CORO1C: variants seen among roughly 807,000 people sequenced by gnomAD.
The protein encoded by CORO1C is coronin 1C.
A neutral mutation model predicts 51.2 loss-of-function variants in CORO1C; 14 were observed. The observed-to-expected ratio is 0.27, with a 90% confidence interval of 0.18 to 0.43. The LOEUF (loss-of-function observed/expected upper bound fraction) is 0.43, where lower values mean the gene tolerates loss of function less well. Ranked by LOEUF, CORO1C falls within the 20% of genes least tolerant of loss-of-function variation. The pLI is 1.00. For missense variants in CORO1C, 417 were observed against 607.8 expected, an observed-to-expected ratio of 0.69 and a Z score of 3.30; for synonymous variants, 181 against 210.5, an observed-to-expected ratio of 0.86 and a Z score of 1.21.
At chr12:108,699,332 C>T (rs1320599833) in intron 2 of CORO1C, among the ~76,000 whole-genome samples, 1 of 152,076 alleles carries the variant, frequency 6.6e-6, no homozygotes, top group African/African-American at 2.4e-5. Flanking sequence ...ACTCACAGAA[C>T]CTTTGTGGAT....
intron 1 of CORO1C, among the ~76,000 whole-genome samples, chr12:108,712,704 G>A (rs574138570): frequency 5.3e-5 from 8 of 151,744 alleles, no homozygotes; most frequent in South Asian, 4.2e-4. Context: ...AAATTTGGCC[G>A]GGCACGTTGG....
chr12:108,656,677 T>C (rs140137076), intron 6 of CORO1C, among the ~76,000 whole-genome samples: 99 of 152,356 alleles, frequency 6.5e-4, no homozygotes, highest in African/African-American at 2.2e-3. Flanking sequence ...GAAGTAGACA[T>C]GGGAGACTTC....
Position 108,645,494 on chromosome 12 carries a change from A to C in CORO1C, c.*1909T>G, listed in dbSNP as rs561236894. On this transcript the variant is annotated 3_prime_UTR_variant, in exon 11 of 11. Transcript: ENST00000261401. ...AGACAAAAGGTCCTCAGCAGATTAC[A>C]TTGATAAAGAAACAAATACAGATTT... 24 of 152,150 alleles carry C rather than the reference A, an allele frequency of 1.6e-4. No homozygotes were observed. Among genetic ancestry groups the C allele is most frequent in the Non-Finnish European group, 2.8e-4 (19 of 68,036 alleles). The allele number at this position is 152,150 out of a possible 1,614,324, so 9.4% of individuals were successfully genotyped here. A position where few individuals can be genotyped will look rare whatever the true frequency, so the allele number is the denominator to read the frequency against.
intron 1 of CORO1C, among the ~76,000 whole-genome samples, chr12:108,707,345 T>C (rs986757494): frequency 6.6e-6 from 1 of 152,248 alleles, no homozygotes; most frequent in Non-Finnish European, 1.5e-5. Flanking sequence ...CAGACATTTA[T>C]ATCAATGGAA....
At chr12:108,679,978 G>A (rs1318200990) in intron 2 of CORO1C, among the ~76,000 whole-genome samples, 1 of 152,302 alleles carries the variant, frequency 6.6e-6, no homozygotes. Flanking sequence ...ATTAACCACA[G>A]TATCTGGAAT....
Position 108,648,972 on chromosome 12 carries a change from AAC to A in CORO1C, c.1048_1049del (p.Val350SerfsTer5), listed in dbSNP as rs1258498679. 6.2e-7 allele frequency: 1 copy of A among 1,614,046 alleles called. No individual in the cohort carries two copies. The highest frequency in any genetic ancestry group is 8.5e-7 in the Non-Finnish European group (1 of 1,180,044). On this transcript the variant is annotated frameshift_variant, in exon 9 of 11. Coordinates refer to ENST00000261401, the MANE Select transcript of CORO1C (RefSeq NM_014325.4). LOFTEE classifies it high-confidence loss of function. The part of the protein sequence containing the change: ...ERKCEPIIMT[V>X]PRKSDLFQDD... Reference sequence around the variant, plus strand: ...AAAACTCAGCACTCACCTTCCTGGGAACAGTCATAATAATAGGTTCACACTTT... The same window carrying A: ...AAAACTCAGCACTCACCTTCCTGGGAAGTCATAATAATAGGTTCACACTTT...
chr12:108,648,020 C>T (rs1406566272), intron 10 of CORO1C, among the ~76,000 whole-genome samples: 1 of 152,286 alleles, frequency 6.6e-6, no homozygotes, highest in Middle Eastern at 3.4e-3. Context: ...CCAGGACCTG[C>T]TCTCCCGGCA....
intron 2 of CORO1C, among the ~76,000 whole-genome samples, chr12:108,696,657 A>G (rs1414695802): frequency 6.6e-6 from 1 of 152,248 alleles, no homozygotes; most frequent in Non-Finnish European, 1.5e-5. Context: ...CTCATAGCCA[A>G]AACCACAAAG....
At chr12:108,670,123 A>G (rs2033659194) in intron 3 of CORO1C, among the ~76,000 whole-genome samples, 1 of 152,216 alleles carries the variant, frequency 6.6e-6, no homozygotes, top group Admixed American at 6.5e-5. Flanking sequence ...AAAACAAAAC[A>G]AAACAAAAAT....
chr12:108,701,075 TG>T, intron 2 of CORO1C, 48 bp downstream of exon 2: 1 of 1,580,476 alleles, frequency 6.3e-7, no homozygotes, highest in South Asian at 1.1e-5. Flanking sequence ...GGAAAAAGTA[TG>T]GAGACTATCA....
At chr12:108,707,315 G>A (rs1189920415) in intron 1 of CORO1C, among the ~76,000 whole-genome samples, 1 of 152,192 alleles carries the variant, frequency 6.6e-6, no homozygotes, top group Non-Finnish European at 1.5e-5. Flanking sequence ...AATCAAGACT[G>A]TGTGGTACTG....
At chr12:108,707,531 C>A (rs1023689379) in intron 1 of CORO1C, among the ~76,000 whole-genome samples, 3 of 152,174 alleles carry the variant, frequency 2.0e-5, no homozygotes, top group African/African-American at 4.8e-5. Context: ...CTATAAAACT[C>A]TGAGAAGAAA....
At chr12:108,696,958 A>T (rs2034707437) in intron 2 of CORO1C, among the ~76,000 whole-genome samples, 1 of 152,180 alleles carries the variant, frequency 6.6e-6, no homozygotes, top group African/African-American at 2.4e-5. Context: ...GCATACATTC[A>T]TTCTTAAGTG....
At chr12:108,703,091 A>G in intron 1 of CORO1C, 1 of 695,320 alleles carries the variant, frequency 1.4e-6, no homozygotes, top group South Asian at 2.6e-5. Flanking sequence ...GCACATCTAT[A>G]CAAAAGCCAA....
intron 2 of CORO1C, among the ~76,000 whole-genome samples, chr12:108,694,279 CAAAAAAAAAAAAAA>C (rs60647143): frequency 3.0e-5 from 2 of 66,228 alleles, no homozygotes; most frequent in Non-Finnish European, 5.5e-5. Flanking sequence ...AAGACTGTCT[CAAAAAAAAAAAAAA>C]AAAAAAAAAA....
chr12:108,706,172 G>A (rs567661412), intron 1 of CORO1C, among the ~76,000 whole-genome samples: 1 of 134,188 alleles, frequency 7.5e-6, no homozygotes, highest in South Asian at 2.7e-4. Context: ...GGGCAACAGA[G>A]TGAGACTCTG....
intron 1 of CORO1C, among the ~76,000 whole-genome samples, chr12:108,725,997 C>T (rs545923777): frequency 1.3e-5 from 2 of 151,930 alleles, no homozygotes; most frequent in African/African-American, 2.4e-5. Context: ...CCACCACACC[C>T]GGCTAATTTT....
At chr12:108,674,405 G>A (rs898068289) in intron 3 of CORO1C, among the ~76,000 whole-genome samples, 4 of 151,994 alleles carry the variant, frequency 2.6e-5, no homozygotes, top group Non-Finnish European at 4.4e-5. Context: ...AAAATTAGCC[G>A]GGCATGGTGG....
intron 2 of CORO1C, among the ~76,000 whole-genome samples, chr12:108,695,851 T>TAAAAAAAAAA (rs924887183): frequency 3.2e-5 from 2 of 62,460 alleles, no homozygotes; most frequent in African/African-American, 1.1e-4. Context: ...TTGGGAGAAC[T>TAAAAAAAAAA]AAAAAAAAAA....
Sources: gnomAD v4.1 joint callset for allele counts (sites outside exome capture counted in the v4.1 genomes callset) on GRCh38, gnomAD v4.1.1 for gene constraint, MANE v1.5 for transcripts, NCBI Gene and HGNC (gene_info 2026-07-23, HGNC 2026-07-21) for gene names.